The following CCDC170 variants were observed in gnomAD, a reference collection of about 807,000 sequenced individuals.
CCDC170 encodes coiled-coil domain containing 170.
A neutral mutation model predicts 72.6 loss-of-function variants in CCDC170; 69 were observed. The ratio of observed to expected loss-of-function variants is 0.95; its 90% confidence interval spans 0.78 to 1.16. The LOEUF is 1.16. Ranked by LOEUF, CCDC170 falls within the 50% of genes most tolerant of loss-of-function variation. The probability of loss-of-function intolerance (pLI) is 0.00; values close to 1 mark genes in which losing one functional copy is unlikely to be tolerated. For missense variants in CCDC170, 852 were observed against 832.5 expected, an observed-to-expected ratio of 1.02 and a Z score of -0.29; for synonymous variants, 300 against 303.9, an observed-to-expected ratio of 0.99 and a Z score of 0.13.
intron 9 of CCDC170, among the ~76,000 whole-genome samples, chr6:151,607,818 G>GT (rs537298687): frequency 2.6e-5 from 4 of 152,144 alleles, no homozygotes; most frequent in South Asian, 2.1e-4. Flanking sequence ...CCTGAGAGAG[G>GT]TTTTTTGGGT....
At chr6:151,514,512 G>A (rs1782207445) in intron 1 of CCDC170, among the ~76,000 whole-genome samples, 1 of 152,116 alleles carries the variant, frequency 6.6e-6, no homozygotes, top group Non-Finnish European at 1.5e-5. Context: ...GAAGAAAGAG[G>A]AAGAACCCAG....
chr6:151,538,464 T>A (rs988288230), intron 3 of CCDC170, among the ~76,000 whole-genome samples, 163 bp downstream of exon 3: 7 of 152,202 alleles, frequency 4.6e-5, no homozygotes, highest in Non-Finnish European at 8.8e-5. Context: ...TCTTGACAAA[T>A]TTTTCCAAGG....
At chr6:151,572,585 C>T (rs1776233215) in intron 5 of CCDC170, among the ~76,000 whole-genome samples, 1 of 148,876 alleles carries the variant, frequency 6.7e-6, no homozygotes, top group African/African-American at 2.5e-5. Context: ...ACAGAAAAGG[C>T]TTATGTGTCA....
intron 5 of CCDC170, among the ~76,000 whole-genome samples, chr6:151,571,806 C>A (rs75472621): frequency 0.012 from 1,836 of 152,054 alleles, 28 homozygotes; most frequent in African/African-American, 0.043. Context: ...ACACAGGTAA[C>A]CTTCTTTATG....
chr6:151,532,595 ACT>A (rs576935210), intron 1 of CCDC170, among the ~76,000 whole-genome samples: 104 of 150,110 alleles, frequency 6.9e-4, no homozygotes, highest in African/African-American at 2.3e-3. Context: ...TGAGAGGGAG[ACT>A]CTGTCTCAAA....
At chr6:151,524,290 T>C (rs184352290) in intron 1 of CCDC170, among the ~76,000 whole-genome samples, 2 of 152,334 alleles carry the variant, frequency 1.3e-5, no homozygotes, top group Non-Finnish European at 2.9e-5. Flanking sequence ...AAAGAATTCA[T>C]CTGAGGACCC....
rs9383935 is a variant in CCDC170 at position 151,618,713 on chromosome 6, C to T, written c.*566C>T. ...AGAGGAAGGACAATAACCCTGCCAT[C>T]GTGAGTTAATGTCCGGGCTGGTCAC... On this transcript the variant is annotated 3_prime_UTR_variant, in exon 11 of 11. Coordinates refer to ENST00000239374, the MANE Select transcript of CCDC170 (RefSeq NM_025059.4). 0.072 allele frequency: 11,231 copies of T among 155,362 alleles called. 596 individuals are homozygous for T. Among genetic ancestry groups the T allele is most frequent in the East Asian group, 0.3 (1,587 of 5,220 alleles). The allele number at this position is 155,362 out of a possible 1,614,324, so 9.6% of individuals were successfully genotyped here.
intron 9 of CCDC170, among the ~76,000 whole-genome samples, chr6:151,609,737 T>A (rs140489787): frequency 6.6e-6 from 1 of 152,318 alleles, no homozygotes; most frequent in African/African-American, 2.4e-5. Flanking sequence ...CTCTCAGGAA[T>A]CTGTTGCTGG....
chr6:151,591,281 A>G (rs1776530697), intron 7 of CCDC170, among the ~76,000 whole-genome samples: 1 of 152,208 alleles, frequency 6.6e-6, no homozygotes, highest in South Asian at 2.1e-4. Context: ...AAATCATAAA[A>G]TGATGATATA....
At position 151,536,302 on chromosome 6, in the gene CCDC170, G is replaced by C; in HGVS notation, c.58-16G>C. 3 of 1,612,366 alleles carry C rather than the reference G, an allele frequency of 1.9e-6. No individual in the cohort carries two copies. Among genetic ancestry groups the C allele is most frequent in the African/African-American group, 1.3e-5 (1 of 75,010 alleles). On this transcript the variant is annotated splice_polypyrimidine_tract_variant and intron_variant, in intron 1 of 10. Coordinates refer to ENST00000239374, the MANE Select transcript of CCDC170 (RefSeq NM_025059.4). ...CACTCTTCTTTATATTTTGTATTTT[G>C]GGGGAATTCTACCAGGAAACTTACG...
chr6:151,495,116 G>T (rs921180736), intron 1 of CCDC170, among the ~76,000 whole-genome samples: 1 of 152,170 alleles, frequency 6.6e-6, no homozygotes, highest in Admixed American at 6.5e-5. Context: ...AACATGAGTT[G>T]GATTCTCCAA....
chr6:151,563,004 G>T (rs1009421181), intron 5 of CCDC170, among the ~76,000 whole-genome samples: 1 of 152,190 alleles, frequency 6.6e-6, no homozygotes, highest in Non-Finnish European at 1.5e-5. Flanking sequence ...CCACAGTGTG[G>T]CTGCAGGCCA....
intron 8 of CCDC170, among the ~76,000 whole-genome samples, chr6:151,595,098 A>G (rs73780808): frequency 0.024 from 3,650 of 152,254 alleles, 148 homozygotes; most frequent in African/African-American, 0.082. Flanking sequence ...AAGTCTTTCC[A>G]CCTGTTACCA....
rs200833739 is a variant in CCDC170 at position 151,615,684 on chromosome 6, G to A, written c.1947+5G>A. On this transcript the variant is annotated splice_donor_5th_base_variant and intron_variant, in intron 10 of 10. Coordinates refer to ENST00000239374, the MANE Select transcript of CCDC170 (RefSeq NM_025059.4). ...GCAGAAAAGAGAGAAAAGCAGGTGG[G>A]TCTAAATCTGGTGATGAAACCTTGT... The A allele has an allele frequency of 1.3e-6, 2 of 1,593,186 alleles. No individual in the cohort carries two copies. The highest frequency in any genetic ancestry group is 1.7e-6 in the Non-Finnish European group (2 of 1,163,342).
chr6:151,531,640 T>C (rs1246539793), intron 1 of CCDC170, among the ~76,000 whole-genome samples: 1 of 152,218 alleles, frequency 6.6e-6, no homozygotes, highest in Non-Finnish European at 1.5e-5. Flanking sequence ...TGTTTAACAA[T>C]GTGTTATTAG....
chr6:151,510,934 C>G (rs913679790), intron 1 of CCDC170, among the ~76,000 whole-genome samples: 3 of 152,112 alleles, frequency 2.0e-5, no homozygotes, highest in Non-Finnish European at 4.4e-5. Context: ...TGGGGTTTCA[C>G]TATGTTGGCC....
intron 7 of CCDC170, among the ~76,000 whole-genome samples, chr6:151,590,878 A>G (rs116659730): frequency 1.9e-3 from 291 of 152,310 alleles, no homozygotes; most frequent in African/African-American, 6.8e-3. Context: ...TTTTATGTAA[A>G]ATACAAGCAA....
intron 3 of CCDC170, among the ~76,000 whole-genome samples, chr6:151,539,200 G>A (rs1782641172): frequency 6.6e-6 from 1 of 152,004 alleles, no homozygotes. Flanking sequence ...GGTGGAGGCT[G>A]CAGTGAGCTG....
intron 5 of CCDC170, among the ~76,000 whole-genome samples, chr6:151,558,878 G>A (rs989870776): frequency 2.0e-5 from 3 of 151,900 alleles, no homozygotes; most frequent in African/African-American, 4.8e-5. Flanking sequence ...GCTACTTAAG[G>A]TCTTTTGTGG....
Sources: allele counts gnomAD v4.1 joint callset (sites outside exome capture counted in the v4.1 genomes callset), GRCh38; gene constraint gnomAD v4.1.1; transcripts MANE v1.5; gene names NCBI Gene and HGNC (gene_info 2026-07-23, HGNC 2026-07-21).